Variants in NAGLU observed in about 807,000 individuals in gnomAD.
NAGLU encodes N-acetyl-alpha-glucosaminidase, also known as alpha-N-acetylglucosaminidase.
In NAGLU, 34 loss-of-function variants were observed where a neutral mutation model predicts 43.4. The ratio of observed to expected loss-of-function variants is 0.78; its 90% CI spans 0.60 to 1.04. NAGLU has a LOEUF of 1.04. Among genes scored for constraint, NAGLU ranks in the 50% least tolerant of loss-of-function variants. The pLI, the probability that NAGLU is intolerant of heterozygous loss-of-function variation, is 0.00. For missense variants in NAGLU, 910 were observed against 993.7 expected (o/e 0.92, Z 1.13); for synonymous variants, 425 against 437.6 (o/e 0.97, Z 0.36).
At position 42,538,427 on chromosome 17, in the gene NAGLU, T is replaced by A; in HGVS notation, c.620T>A (p.Leu207Gln). The change falls in exon 3 of 6, where the codon CTG becomes CAG. Residue 207 changes from leucine (L) to glutamine (Q), a missense_variant. Physicochemically the swap from Leu to Gln is moderately radical, Grantham distance 113. Coordinates refer to ENST00000225927, the MANE Select transcript of NAGLU (RefSeq NM_000263.4). The stretch of plus-strand genomic sequence containing the variant: ...CTGGCCTGGGGGCGAATGGGCAACC[T>A]GCACACCTGGGATGGCCCCCTGCCC... ...AFLAWGRMGN[L>Q]HTWDGPLPPS... is the part of the protein sequence containing the mutation. 6.2e-7 allele frequency: 1 copy of A among 1,614,202 alleles called. No individual in the cohort carries two copies. Among genetic ancestry groups the A allele is most frequent in the Non-Finnish European group, 8.5e-7 (1 of 1,180,044 alleles).
rs757069066 is a variant in NAGLU at position 42,543,332 on chromosome 17, C to A, written c.1326C>A (p.Gly442=). 2.5e-6 allele frequency: 4 copies of A among 1,613,430 alleles called. No homozygotes were observed. Among genetic ancestry groups the A allele is most frequent in the Middle Eastern group, 1.6e-4 (1 of 6,062 alleles). Residue 442 remains glycine, a synonymous_variant, in exon 6 of 6, where the codon GGC becomes GGA. Transcript: ENST00000225927. ...LFPNSTMVGT[G]MAPEGISQNE... ...CCAACTCCACCATGGTAGGCACGGG[C>A]ATGGCCCCCGAGGGCATCAGCCAGA...
rs200729468 is a variant in NAGLU, at chr17:42,538,723, A to G, written c.732A>G (p.Ala244=). The G allele has an allele frequency of 5.0e-6, 8 of 1,613,930 alleles. No homozygotes were observed. Among genetic ancestry groups the G allele is most frequent in the African/African-American group, 1.3e-5 (1 of 74,932 alleles). ...RSFGMTPVLP[A]FAGHVPEAVT... ...TCGGCATGACCCCAGTGCTGCCTGC[A>G]TTCGCGGGGCATGTTCCCGAGGCTG... Residue 244 remains alanine (A), a synonymous_variant, in exon 4 of 6, where the codon GCA becomes GCG. Coordinates refer to ENST00000225927, the MANE Select transcript of NAGLU (RefSeq NM_000263.4).
In NAGLU at chr17:42,544,281, G is replaced by T; in HGVS notation, c.*43G>T. The T allele has an allele frequency of 6.2e-7, 1 of 1,601,488 alleles. No homozygotes were observed. Among genetic ancestry groups the T allele is most frequent in the Non-Finnish European group, 8.5e-7 (1 of 1,179,896 alleles). On this transcript the variant is annotated 3_prime_UTR_variant, in exon 6 of 6. Transcript: ENST00000225927. Reference sequence around the variant, plus strand: ...GGCCTTGTTTTCCGCTAATTCCAGGGCAGATTCCAGGGCCCAGAGCTGGAC... The same window carrying T: ...GGCCTTGTTTTCCGCTAATTCCAGGTCAGATTCCAGGGCCCAGAGCTGGAC...
rs2092928632 is a variant in NAGLU, at chr17:42,543,691, A to G, written c.1685A>G (p.Asp562Gly). ...CCCGCCTTCCGCTACGACCTGCTGG[A>G]CCTCACTCGGCAGGCAGTGCAGGAG... ...TSPAFRYDLL[D>G]LTRQAVQELV... Residue 562 changes from aspartate (D) to glycine (G), a missense_variant, in exon 6 of 6, where the codon GAC (aspartate) becomes GGC (glycine). By Grantham distance (94) the Asp-to-Gly change is moderately conservative. Transcript: ENST00000225927. 6.2e-7 allele frequency: 1 copy of G among 1,612,760 alleles called. No individual in the cohort carries two copies. The highest frequency in any genetic ancestry group is 1.3e-5 in the African/African-American group (1 of 75,018).
Position 42,536,495 on chromosome 17 carries a change from G to A in NAGLU, c.223G>A (p.Val75Met), listed in dbSNP as rs1460838744. Residue 75 changes from valine to methionine, a missense_variant, in exon 1 of 6, where the codon GTG becomes ATG. Transcript: ENST00000225927. ...YSLGGGGAAR[V>M]RVRGSTGVAA... ...CCTGGGCGGCGGCGGCGCGGCGCGCGTGCGGGTGCGCGGCTCCACGGGCGT... is the reference window on the plus strand; with the variant it reads ...CCTGGGCGGCGGCGGCGCGGCGCGCATGCGGGTGCGCGGCTCCACGGGCGT... 1.6e-6 allele frequency: 2 copies of A among 1,230,510 alleles called. No homozygotes were observed. Among genetic ancestry groups the A allele is most frequent in the Non-Finnish European group, 2.0e-6 (2 of 989,770 alleles). 76.2% of individuals were successfully genotyped at this position (1,230,510 alleles called of 1,614,324 possible).
intron 3 of NAGLU, 87 bp from the exon 4 acceptor site, chr17:42,538,583 C>T (rs564801398): frequency 3.3e-5 from 54 of 1,612,016 alleles, no homozygotes; most frequent in African/African-American, 1.7e-4. Flanking sequence ...TTAACTGAGG[C>T]GGGGGGCTGC....
Position 42,543,935 on chromosome 17 carries a change from C to A in NAGLU, c.1929C>A (p.Arg643=). Residue 643 remains arginine, a synonymous_variant, in exon 6 of 6, where the codon CGC becomes CGA. Coordinates refer to ENST00000225927, the MANE Select transcript of NAGLU (RefSeq NM_000263.4). ...CCGATTTCTACGAGCAGAACAGCCGCTACCAGCTGACCTTGTGGGGGCCAG... is the reference window on the plus strand; with the variant it reads ...CCGATTTCTACGAGCAGAACAGCCGATACCAGCTGACCTTGTGGGGGCCAG... ...AEADFYEQNS[R]YQLTLWGPEG... is the part of the protein sequence containing the mutation. The A allele has an allele frequency of 6.2e-7, 1 of 1,608,654 alleles. No individual in the cohort carries two copies. The highest frequency in any genetic ancestry group is 8.5e-7 in the Non-Finnish European group (1 of 1,177,568).
chr17:42,538,451 C>T lies in NAGLU; in HGVS notation c.644C>T (p.Pro215Leu). ...CTGCACACCTGGGATGGCCCCCTGC[C>T]CCCCTCCTGGCACATCAAGCAGCTT... Reference protein sequence around the residue: ...GNLHTWDGPLPPSWHIKQLYL... With the variant: ...GNLHTWDGPLLPSWHIKQLYL... Residue 215 changes from proline (P) to leucine (L), a missense_variant, in exon 3 of 6, where the codon CCC (proline) becomes CTC (leucine). Physicochemically the swap from Pro to Leu is moderately conservative, Grantham distance 98. Transcript: ENST00000225927. 6.2e-7 allele frequency: 1 copy of T among 1,614,116 alleles called. No homozygotes were observed. The highest frequency in any genetic ancestry group is 2.2e-5 in the East Asian group (1 of 44,884).
rs1266371949 is a variant in NAGLU at position 42,543,908 on chromosome 17, G to A, written c.1902G>A (p.Glu634=). 1.2e-6 allele frequency: 2 copies of A among 1,606,352 alleles called. No individual in the cohort carries two copies. Among genetic ancestry groups the A allele is most frequent in the Admixed American group, 1.7e-5 (1 of 58,880 alleles). Residue 634 remains glutamate (E), a synonymous_variant, in exon 6 of 6, where the codon GAG becomes GAA. Coordinates refer to ENST00000225927, the MANE Select transcript of NAGLU (RefSeq NM_000263.4). ...QARAAAVSEA[E]ADFYEQNSRY... ...GAGCAGCGGCAGTCAGTGAGGCCGA[G>A]GCCGATTTCTACGAGCAGAACAGCC...
chr17:42,542,983 G>A (rs2092925279), intron 5 of NAGLU, 45 bp from the exon 6 acceptor site: 3 of 1,597,322 alleles, frequency 1.9e-6, no homozygotes, highest in South Asian at 2.2e-5. Context: ...TGGGCCCTCT[G>A]TTTCATCACT....
At chr17:42,536,805 T>A in intron 1 of NAGLU, 150 bp downstream of exon 1, 1 of 1,316,358 alleles carries the variant, frequency 7.6e-7, no homozygotes, top group South Asian at 1.9e-5. Flanking sequence ...AGCCAGCCAC[T>A]CTGCCTTTCA....
In NAGLU at chr17:42,544,152, C is replaced by T. The variant is rs2092930793; in HGVS notation, c.2146C>T (p.Pro716Ser). ...QAFVLSKQRY[P>S]SQPRGDTVDL... ...CTTCGTTCTCAGCAAGCAGAGGTACCCCAGCCAGCCGCGAGGAGACACTGT... is the reference window on the plus strand; with the variant it reads ...CTTCGTTCTCAGCAAGCAGAGGTACTCCAGCCAGCCGCGAGGAGACACTGT... Residue 716 changes from proline to serine, a missense_variant, in exon 6 of 6, where the codon CCC (proline) becomes TCC (serine). Coordinates refer to ENST00000225927, the MANE Select transcript of NAGLU (RefSeq NM_000263.4). 6.2e-7 allele frequency: 1 copy of T among 1,613,872 alleles called. No homozygotes were observed. Among genetic ancestry groups the T allele is most frequent in the Non-Finnish European group, 8.5e-7 (1 of 1,180,026 alleles).
chr17:42,540,907 A>C, intron 4 of NAGLU, 43 bp from the exon 5 acceptor site: 1 of 1,614,048 alleles, frequency 6.2e-7, no homozygotes, highest in South Asian at 1.1e-5. Context: ...GGTGAACACT[A>C]TGGCGGCTTC....
In NAGLU at chr17:42,537,621, A is replaced by G. The variant is rs116738054; in HGVS notation, c.531+76A>G. On this transcript the variant is annotated intron_variant, in intron 2 of 5. Transcript: ENST00000225927. The stretch of plus-strand genomic sequence containing the variant: ...TAGGTGTTTTCACCCGCCCCCCAGC[A>G]TGGGCGCAGTGTCTCTCTCTAGAAG... 2.7e-3 allele frequency: 4,276 copies of G among 1,563,172 alleles called. 107 individuals carry two copies. The African/African-American group carries it at 0.051, about 19-fold the overall frequency.
chr17:42,541,826 C>G (rs2092922428), intron 5 of NAGLU, among the ~76,000 whole-genome samples: 1 of 151,700 alleles, frequency 6.6e-6, no homozygotes, highest in Non-Finnish European at 1.5e-5. Flanking sequence ...GACCCAAAAC[C>G]AGCAGCAGCA....
intron 1 of NAGLU, 22 bp from the exon 2 acceptor site, chr17:42,537,368 ATGCGCCCC>A (rs1449147262): frequency 9.9e-6 from 16 of 1,613,676 alleles, no homozygotes; most frequent in Non-Finnish European, 1.4e-5. Flanking sequence ...CCAGGGTGGG[ATGCGCCCC>A]TGCTCATGAC....
chr17:42,537,400 A>G lies in NAGLU; in HGVS notation c.386A>G (p.Tyr129Cys). 1 of 1,614,138 alleles carries G rather than the reference A, an allele frequency of 6.2e-7. No individual in the cohort carries two copies. Among genetic ancestry groups the G allele is most frequent in the Non-Finnish European group, 8.5e-7 (1 of 1,179,966 alleles). Reference sequence around the variant, plus strand: ...CCTGCTCATGACACTGCCCGCAGGTACCGCTATTACCAGAATGTGTGCACG... The same window carrying G: ...CCTGCTCATGACACTGCCCGCAGGTGCCGCTATTACCAGAATGTGTGCACG... The part of the protein sequence containing the change: ...GELTEATPNR[Y>C]RYYQNVCTQS... Residue 129 changes from tyrosine to cysteine, a missense_variant and splice_region_variant, in exon 2 of 6, where the codon TAC becomes TGC. Transcript: ENST00000225927.
At chr17:42,540,178 G>A (rs941542816) in intron 4 of NAGLU, among the ~76,000 whole-genome samples, 2 of 150,834 alleles carry the variant, frequency 1.3e-5, no homozygotes, top group African/African-American at 4.9e-5. Flanking sequence ...AGTGGGAGTT[G>A]AACAATGAGA....
chr17:42,541,053 A>G lies in NAGLU; in HGVS notation c.868A>G (p.Ile290Val), dbSNP rs766432675. The change falls in exon 5 of 6, where the codon ATC (isoleucine) becomes GTC (valine). Residue 290 changes from isoleucine (I) to valine (V), a missense_variant. Coordinates refer to ENST00000225927, the MANE Select transcript of NAGLU (RefSeq NM_000263.4). ...LLAPEDPIFP[I>V]IGSLFLRELI... is the part of the protein sequence containing the mutation. ...GGCTCCGGAAGACCCCATATTCCCC[A>G]TCATCGGGAGCCTCTTCCTGCGAGA... 2 of 1,614,176 alleles carry G rather than the reference A, an allele frequency of 1.2e-6. No individual in the cohort carries two copies. Among genetic ancestry groups the G allele is most frequent in the Non-Finnish European group, 1.7e-6 (2 of 1,180,032 alleles).
Sources: allele counts gnomAD v4.1 joint callset (sites outside exome capture counted in the v4.1 genomes callset), GRCh38; gene constraint gnomAD v4.1.1; transcripts MANE v1.5; gene names NCBI Gene and HGNC (gene_info 2026-07-23, HGNC 2026-07-21).